Variants in CUL2 observed in about 807,000 individuals in gnomAD.
The protein encoded by CUL2 is cullin-2.
A neutral mutation model predicts 110.2 loss-of-function variants in CUL2; 22 were observed. That is an observed-to-expected ratio of 0.20 (90% CI 0.14 to 0.28). The LOEUF (loss-of-function observed/expected upper bound fraction) is 0.28, where lower values mean the gene tolerates loss of function less well. Among genes scored for constraint, CUL2 ranks in the 10% least tolerant of loss-of-function variants. The pLI is 1.00. For synonymous variants in CUL2, 279 were observed against 293.2 expected (o/e 0.95, Z 0.49); for missense variants, 631 against 905.5 (o/e 0.70, Z 3.89).
At chr10:35,022,961 C>T (rs2085239946) in intron 17 of CUL2, among the ~76,000 whole-genome samples, 2 of 152,176 alleles carry the variant, frequency 1.3e-5, no homozygotes, top group Non-Finnish European at 2.9e-5. Flanking sequence ...AGGAGAATCA[C>T]TTGAACCCAG....
At chr10:35,119,588 ATTTATTTAT>A (rs1337034548) in intron 1 of CUL2, among the ~76,000 whole-genome samples, 23 of 149,642 alleles carry the variant, frequency 1.5e-4, no homozygotes, top group African/African-American at 4.9e-4. Flanking sequence ...TTATTTATTT[ATTTATTTAT>A]TTATTTATTT....
intron 1 of CUL2, among the ~76,000 whole-genome samples, chr10:35,126,410 T>G (rs759393549): frequency 1.2e-4 from 18 of 152,158 alleles, no homozygotes; most frequent in Admixed American, 3.9e-4. Context: ...TCAAGGTATG[T>G]AGATAGCTTT....
chr10:35,063,709 A>G (rs776075868), intron 2 of CUL2: 4 of 150,164 alleles, frequency 2.7e-5, no homozygotes, highest in Non-Finnish European at 4.4e-5. Context: ...CTAGCCAGTG[A>G]TCTTAACCAA....
Position 35,032,483 on chromosome 10 carries a change from T to C in CUL2, c.1122A>G (p.Ser374=), listed in dbSNP as rs1241414768. ...ACTTAGGTTCTCTGTAATTTACAAC[T>C]GACGTAAGGGCCTGAATAAAAAAAC... is the stretch of plus-strand genomic sequence containing the variant. ...FMSALDKALT[S]VVNYREPKSV... is the part of the protein sequence containing the mutation. The change falls in exon 12 of 21, where the codon TCA becomes TCG. Residue 374 remains serine, a synonymous_variant. Coordinates refer to ENST00000374749, the MANE Select transcript of CUL2 (RefSeq NM_003591.4). The C allele has an allele frequency of 6.3e-7, 1 of 1,591,634 alleles. No homozygotes were observed.
intron 12 of CUL2, 81 bp downstream of exon 12, chr10:35,032,354 C>A: frequency 8.0e-7 from 1 of 1,242,516 alleles, no homozygotes; most frequent in Non-Finnish European, 1.1e-6. Flanking sequence ...CTACAAAAAC[C>A]AAATTAATTT....
chr10:35,022,607 CTT>C (rs766931302), intron 17 of CUL2, among the ~76,000 whole-genome samples: 2 of 152,098 alleles, frequency 1.3e-5, no homozygotes, highest in Non-Finnish European at 2.9e-5. Flanking sequence ...GTGTGAGAAA[CTT>C]TTTGTTAAAT....
chr10:35,013,925 T>G, intron 18 of CUL2, 125 bp from the exon 19 acceptor site: 2 of 588,144 alleles, frequency 3.4e-6, no homozygotes, highest in South Asian at 9.9e-5. Flanking sequence ...ACTTTTATAT[T>G]ATAGATTACC....
intron 1 of CUL2, among the ~76,000 whole-genome samples, chr10:35,108,105 G>A (rs971655251): frequency 6.6e-6 from 1 of 151,938 alleles, no homozygotes. Context: ...TTAACAAGAG[G>A]CCAGAATGGA....
chr10:35,119,741 C>CA (rs2087655490), intron 1 of CUL2, among the ~76,000 whole-genome samples: 1 of 151,452 alleles, frequency 6.6e-6, no homozygotes, highest in East Asian at 1.9e-4. Context: ...GCTCATTTTT[C>CA]TTTTTTTTGG....
chr10:35,055,766 T>G (rs977543581), intron 4 of CUL2, among the ~76,000 whole-genome samples: 2 of 152,234 alleles, frequency 1.3e-5, no homozygotes, highest in Non-Finnish European at 2.9e-5. Context: ...TAAAATGCCA[T>G]TTATTCCTTC....
intron 14 of CUL2, among the ~76,000 whole-genome samples, chr10:35,030,406 A>G (rs969025302): frequency 7.9e-5 from 12 of 152,162 alleles, no homozygotes; most frequent in Non-Finnish European, 1.6e-4. Flanking sequence ...ATTTAGAGGC[A>G]GGATCTTGCT....
At chr10:35,068,385 AT>A (rs1298845516) in intron 2 of CUL2, among the ~76,000 whole-genome samples, 2 of 152,106 alleles carry the variant, frequency 1.3e-5, no homozygotes, top group African/African-American at 4.8e-5. Context: ...TCACTGCACT[AT>A]GCCTAACAAA....
intron 14 of CUL2, among the ~76,000 whole-genome samples, chr10:35,030,822 G>GGATTGC (rs11283661): frequency 1.1e-4 from 17 of 151,804 alleles, no homozygotes; most frequent in Non-Finnish European, 2.1e-4. Flanking sequence ...GAGCCCAGGA[G>GGATTGC]TTAGAGTCCA....
At chr10:35,126,625 A>C (rs16935881) in exon 1 of CUL2, 22,980 of 152,262 alleles carry the variant, frequency 0.15, 1,950 homozygotes, top group East Asian at 0.24. Flanking sequence ...TGAAGACCTG[A>C]CAACAGCCGT....
intron 1 of CUL2, among the ~76,000 whole-genome samples, chr10:35,115,659 C>T (rs2087584782): frequency 6.6e-6 from 1 of 152,060 alleles, no homozygotes; most frequent in Admixed American, 6.6e-5. Flanking sequence ...TTTGGGAGGC[C>T]AAGGCATGAG....
chr10:35,093,015 A>G (rs1000085188), upstream of CUL2, among the ~76,000 whole-genome samples: 10 of 151,864 alleles, frequency 6.6e-5, no homozygotes, highest in African/African-American at 1.9e-4. Flanking sequence ...TTTTTGAGAT[A>G]TTTTTCAGAC....
chr10:35,097,491 C>CA (rs71523359), intron 2 of CUL2, among the ~76,000 whole-genome samples: 17,880 of 92,424 alleles, frequency 0.19, 1,481 homozygotes, highest in East Asian at 0.31. Context: ...CCCCCTGTCT[C>CA]AAAAAAAAAA....
In CUL2 at chr10:35,009,707, A is replaced by G. The variant is rs1223132409; in HGVS notation, c.*604T>C. 6.6e-6 allele frequency: 1 copy of G among 152,650 alleles called. No individual in the cohort carries two copies. Among genetic ancestry groups the G allele is most frequent in the East Asian group, 1.9e-4 (1 of 5,198 alleles). 9.5% of individuals were successfully genotyped at this position (152,650 alleles called of 1,614,324 possible). A position where few individuals can be genotyped will look rare whatever the true frequency, so the allele number is the denominator to read the frequency against. ...TGAATGCAGTCCTATGCAGTCAAGA[A>G]CAATAATCTAGACATTTTTCATGTA... On this transcript the variant is annotated 3_prime_UTR_variant, in exon 21 of 21. Coordinates refer to ENST00000374749, the MANE Select transcript of CUL2 (RefSeq NM_003591.4).
At chr10:35,035,572 T>C (rs778669785) in intron 9 of CUL2, among the ~76,000 whole-genome samples, 1 of 152,216 alleles carries the variant, frequency 6.6e-6, no homozygotes, top group Non-Finnish European at 1.5e-5. Context: ...ATTTTGTATA[T>C]TATTTGTAGC....
Sources: allele counts gnomAD v4.1 joint callset (sites outside exome capture counted in the v4.1 genomes callset), GRCh38; gene constraint gnomAD v4.1.1; transcripts MANE v1.5; gene names NCBI Gene and HGNC (gene_info 2026-07-23, HGNC 2026-07-21).